The following RNF43 variants were observed in gnomAD, a reference collection of about 807,000 sequenced individuals.
The protein encoded by RNF43 is ring finger protein 43.
In RNF43, 37 loss-of-function variants were observed where a neutral mutation model predicts 78.4. That is an observed-to-expected ratio of 0.47 (90% CI 0.36 to 0.62). The LOEUF is 0.62. Ranked by LOEUF, RNF43 falls within the 20% of genes least tolerant of loss-of-function variation. The probability of loss-of-function intolerance (pLI) is 0.00; values close to 1 mark genes in which losing one functional copy is unlikely to be tolerated. For synonymous variants in RNF43, 347 were observed against 395.0 expected (o/e 0.88, Z 1.44); for missense variants, 774 against 1,007.9 (o/e 0.77, Z 3.14).
chr17:58,377,570 A>G (rs1229346486), intron 2 of RNF43, among the ~76,000 whole-genome samples: 1 of 152,092 alleles, frequency 6.6e-6, no homozygotes, highest in Non-Finnish European at 1.5e-5. Context: ...CTGGAACTTA[A>G]TGCTGGTCTC....
chr17:58,396,022 G>T (rs1973672295), intron 2 of RNF43, among the ~76,000 whole-genome samples: 1 of 152,140 alleles, frequency 6.6e-6, no homozygotes, highest in Admixed American at 6.5e-5. Flanking sequence ...GCAGAAAACT[G>T]TCTCCAGAGG....
intron 2 of RNF43, among the ~76,000 whole-genome samples, chr17:58,375,098 G>A (rs540889590): frequency 9.2e-5 from 14 of 151,932 alleles, no homozygotes; most frequent in South Asian, 6.2e-4. Flanking sequence ...TCTCACTATC[G>A]CTATTGTAAT....
At chr17:58,370,401 T>A (rs1350210354) in intron 3 of RNF43, among the ~76,000 whole-genome samples, 1 of 152,192 alleles carries the variant, frequency 6.6e-6, no homozygotes, top group East Asian at 1.9e-4. Flanking sequence ...ATTTTTAATT[T>A]TTAAATGTGG....
intron 2 of RNF43, among the ~76,000 whole-genome samples, chr17:58,375,484 G>A (rs866680869): frequency 6.6e-5 from 10 of 152,078 alleles, no homozygotes; most frequent in African/African-American, 2.2e-4. Context: ...TGTAATTGTC[G>A]GCTTACTTCC....
At chr17:58,405,839 C>G (rs1165658829) in intron 2 of RNF43, among the ~76,000 whole-genome samples, 1 of 152,148 alleles carries the variant, frequency 6.6e-6, no homozygotes, top group Non-Finnish European at 1.5e-5. Flanking sequence ...TACATAATGC[C>G]TCCTGCTGTT....
intron 3 of RNF43, among the ~76,000 whole-genome samples, chr17:58,368,953 G>T (rs537434903): frequency 1.3e-5 from 2 of 152,184 alleles, no homozygotes; most frequent in African/African-American, 4.8e-5. Context: ...AGCAGGCCAG[G>T]GTGCAACAGG....
chr17:58,401,526 T>C (rs917689916), intron 2 of RNF43, among the ~76,000 whole-genome samples: 5 of 152,226 alleles, frequency 3.3e-5, no homozygotes, highest in Non-Finnish European at 7.3e-5. Context: ...AAGTATGGAA[T>C]CTTGCCAGAC....
Position 58,354,093 on chromosome 17 carries a change from A to C in RNF43, c.*850T>G, listed in dbSNP as rs1240117934. On this transcript the variant is annotated 3_prime_UTR_variant, in exon 10 of 10. Coordinates refer to ENST00000407977, the MANE Select transcript of RNF43 (RefSeq NM_017763.6). ...GTCCCCATTTTCCATCCTTGCTCTA[A>C]GACAAAACTTTTCCCAGAGAAGAAC... 1 of 196,668 alleles carries C rather than the reference A, an allele frequency of 5.1e-6. No individual in the cohort carries two copies. Among genetic ancestry groups the C allele is most frequent in the Non-Finnish European group, 1.1e-5 (1 of 94,494 alleles). 12.2% of individuals were successfully genotyped at this position (196,668 alleles called of 1,614,324 possible).
chr17:58,390,790 G>C (rs1025749840), intron 2 of RNF43, among the ~76,000 whole-genome samples: 7 of 152,136 alleles, frequency 4.6e-5, no homozygotes, highest in African/African-American at 1.4e-4. Context: ...AATGAAAAAG[G>C]CAAAAGAAAA....
chr17:58,403,503 G>A (rs1193031419), intron 2 of RNF43, among the ~76,000 whole-genome samples: 2 of 152,218 alleles, frequency 1.3e-5, no homozygotes, highest in Non-Finnish European at 2.9e-5. Context: ...GTCTTTGAGA[G>A]GAACAGGCCT....
intron 2 of RNF43, among the ~76,000 whole-genome samples, chr17:58,413,357 C>A (rs1174232619): frequency 6.6e-6 from 1 of 152,014 alleles, no homozygotes; most frequent in Non-Finnish European, 1.5e-5. Flanking sequence ...GATTAACAGA[C>A]AATAAACCGA....
chr17:58,376,999 T>C (rs1163217491), intron 2 of RNF43, among the ~76,000 whole-genome samples: 1 of 152,080 alleles, frequency 6.6e-6, no homozygotes, highest in Non-Finnish European at 1.5e-5. Flanking sequence ...CCTTCGGTGG[T>C]GTGTGTTGTA....
chr17:58,407,281 T>G (rs1481818723), intron 2 of RNF43, among the ~76,000 whole-genome samples: 1 of 152,174 alleles, frequency 6.6e-6, no homozygotes, highest in African/African-American at 2.4e-5. Flanking sequence ...GGTTTCACCA[T>G]GTTGGCCAGG....
intron 2 of RNF43, among the ~76,000 whole-genome samples, chr17:58,377,659 C>G (rs1156823766): frequency 6.8e-6 from 1 of 147,720 alleles, no homozygotes; most frequent in Non-Finnish European, 1.5e-5. Context: ...TTCCCAGGAA[C>G]TCTCCTCCCC....
chr17:58,385,834 T>C (rs1419668147), intron 2 of RNF43, among the ~76,000 whole-genome samples: 1 of 152,150 alleles, frequency 6.6e-6, no homozygotes, highest in East Asian at 1.9e-4. Flanking sequence ...AGGCTGGGCA[T>C]GGTGGCTCAT....
chr17:58,416,760 T>C (rs983532746), intron 1 of RNF43: 3 of 152,198 alleles, frequency 2.0e-5, no homozygotes, highest in African/African-American at 7.2e-5. Context: ...TCTGTGCTAT[T>C]TCTAGGCACT....
At chr17:58,363,674 C>T in intron 3 of RNF43, 74 bp from the exon 4 acceptor site, 1 of 1,254,274 alleles carries the variant, frequency 8.0e-7, no homozygotes, top group Non-Finnish European at 1.1e-6. Context: ...AGCCTCACCC[C>T]TCACACATCT....
chr17:58,414,987 G>A (rs775626759), intron 2 of RNF43, among the ~76,000 whole-genome samples: 7 of 151,788 alleles, frequency 4.6e-5, no homozygotes, highest in Non-Finnish European at 7.4e-5. Flanking sequence ...TACAATCCTC[G>A]CATCAATTAA....
chr17:58,411,097 G>C (rs193176498), intron 2 of RNF43, among the ~76,000 whole-genome samples: 3 of 152,206 alleles, frequency 2.0e-5, no homozygotes, highest in Admixed American at 1.3e-4. Flanking sequence ...TAAAGGTACT[G>C]AATTTCTTCT....
Sources: allele counts gnomAD v4.1 joint callset (sites outside exome capture counted in the v4.1 genomes callset), GRCh38; gene constraint gnomAD v4.1.1; transcripts MANE v1.5; gene names NCBI Gene and HGNC (gene_info 2026-07-23, HGNC 2026-07-21).